Variants in LIN7A observed in about 807,000 individuals in gnomAD.
LIN7A encodes protein lin-7 homolog A.
LIN7A carries 25 observed loss-of-function variants against 29.8 expected under a neutral mutation model. The observed-to-expected ratio is 0.84, with a 90% CI of 0.61 to 1.17. The LOEUF (loss-of-function observed/expected upper bound fraction) is 1.17. Among genes scored for constraint, LIN7A ranks in the 50% most tolerant of loss-of-function variants. The pLI, the probability that LIN7A is intolerant of heterozygous loss-of-function variation, is 0.00. For synonymous variants in LIN7A, 118 were observed against 107.5 expected (o/e 1.10, Z -0.60); for missense variants, 239 against 287.0 (o/e 0.83, Z 1.21).
chr12:80,883,014 A>G (rs1201177663), intron 2 of LIN7A, among the ~76,000 whole-genome samples: 1 of 152,056 alleles, frequency 6.6e-6, no homozygotes, highest in Non-Finnish European at 1.5e-5. Flanking sequence ...TTATATTACA[A>G]TAAGCTATGA....
chr12:80,931,559 A>G (rs972003630), intron 1 of LIN7A, among the ~76,000 whole-genome samples: 1 of 150,974 alleles, frequency 6.6e-6, no homozygotes, highest in Non-Finnish European at 1.5e-5. Context: ...AATCGCTTAA[A>G]CCCAAAAGGC....
intron 2 of LIN7A, 122 bp downstream of exon 2, chr12:80,889,129 A>G (rs1875490212): frequency 1.4e-6 from 1 of 696,704 alleles, no homozygotes; most frequent in East Asian, 2.6e-5. Context: ...CCAAGTAGCT[A>G]AAAACAGAAA....
intron 2 of LIN7A, among the ~76,000 whole-genome samples, chr12:80,856,418 G>A (rs1873601704): frequency 1.3e-5 from 2 of 152,276 alleles, no homozygotes; most frequent in East Asian, 3.9e-4. Context: ...GTGGCAAATT[G>A]GTTTTACCAG....
intron 2 of LIN7A, among the ~76,000 whole-genome samples, chr12:80,852,979 T>G (rs558032525): frequency 6.6e-6 from 1 of 152,192 alleles, no homozygotes; most frequent in African/African-American, 2.4e-5. Context: ...TATTATCAGC[T>G]GTAGTGGCAA....
At chr12:80,872,657 G>T (rs1874481839) in intron 2 of LIN7A, among the ~76,000 whole-genome samples, 1 of 151,974 alleles carries the variant, frequency 6.6e-6, no homozygotes, top group Admixed American at 6.6e-5. Context: ...AAAATTCTTT[G>T]TCACATTTGG....
intron 2 of LIN7A, 103 bp downstream of exon 2, chr12:80,889,148 G>A: frequency 1.4e-6 from 1 of 734,184 alleles, no homozygotes. Flanking sequence ...AAATTAAAAT[G>A]TAGTTCCAAT....
At chr12:80,908,571 C>T (rs1401190196) in intron 1 of LIN7A, among the ~76,000 whole-genome samples, 1 of 152,008 alleles carries the variant, frequency 6.6e-6, no homozygotes, top group East Asian at 1.9e-4. Context: ...AGAGAGCTTA[C>T]TGATGCAAGA....
At chr12:80,805,292 C>A (rs114115924) in intron 5 of LIN7A, among the ~76,000 whole-genome samples, 1 of 151,888 alleles carries the variant, frequency 6.6e-6, no homozygotes, top group South Asian at 2.1e-4. Flanking sequence ...AGTGACTAGG[C>A]GGATAGTTTT....
chr12:80,865,141 C>A (rs1241452033), intron 2 of LIN7A, among the ~76,000 whole-genome samples: 1 of 152,090 alleles, frequency 6.6e-6, no homozygotes, highest in Non-Finnish European at 1.5e-5. Context: ...ATGGTGTCTT[C>A]TTTATGTTCT....
At position 80,795,439 on chromosome 12, in the gene LIN7A, C is replaced by T. The variant is rs1870402114; in HGVS notation, c.*2288G>A. ...GCCTTTATCAGCACTTAACATTAAC[C>T]AAATGAAGCATAAATACAAAGGTTT... On this transcript the variant is annotated 3_prime_UTR_variant, in exon 6 of 6. Transcript: ENST00000552864. The T allele has an allele frequency of 6.6e-6, 1 of 151,922 alleles. No homozygotes were observed. The highest frequency in any genetic ancestry group is 2.4e-5 in the African/African-American group (1 of 41,374). 9.4% of individuals were successfully genotyped at this position (151,922 alleles called of 1,614,324 possible).
At chr12:80,882,113 AT>A (rs1211704741) in intron 2 of LIN7A, among the ~76,000 whole-genome samples, 2 of 151,882 alleles carry the variant, frequency 1.3e-5, no homozygotes, top group Non-Finnish European at 2.9e-5. Context: ...AAAATATTGC[AT>A]TTTTTGAATG....
At chr12:80,852,046 G>A (rs1873360623) in intron 2 of LIN7A, among the ~76,000 whole-genome samples, 1 of 151,978 alleles carries the variant, frequency 6.6e-6, no homozygotes, top group Non-Finnish European at 1.5e-5. Context: ...CAATGTATTA[G>A]GCATCTGGGC....
intron 5 of LIN7A, among the ~76,000 whole-genome samples, chr12:80,808,793 C>T (rs924009533): frequency 6.6e-6 from 1 of 152,040 alleles, no homozygotes; most frequent in Admixed American, 6.5e-5. Context: ...GCGTGAGCCA[C>T]CACGCTTGGC....
chr12:80,837,098 G>A (rs1415809944), intron 4 of LIN7A, among the ~76,000 whole-genome samples: 1 of 152,130 alleles, frequency 6.6e-6, no homozygotes, highest in African/African-American at 2.4e-5. Flanking sequence ...TAGGAGTAGA[G>A]TGGAAAATAT....
intron 2 of LIN7A, among the ~76,000 whole-genome samples, chr12:80,852,170 CTTTATA>C (rs1873366991): frequency 6.6e-6 from 1 of 151,880 alleles, no homozygotes; most frequent in Non-Finnish European, 1.5e-5. Context: ...TTTTATTTTT[CTTTATA>C]TTTAAATGAA....
intron 2 of LIN7A, among the ~76,000 whole-genome samples, chr12:80,853,232 G>T (rs7969498): frequency 0.24 from 35,911 of 151,712 alleles, 5,225 homozygotes; most frequent in Non-Finnish European, 0.32. Flanking sequence ...CTTTTCTTCT[G>T]TTCCTTCCAA....
At chr12:80,937,340 A>C (rs1208574024) in intron 1 of LIN7A, 1 of 326,300 alleles carries the variant, frequency 3.1e-6, no homozygotes, top group Non-Finnish European at 5.6e-6. Flanking sequence ...CAGCGGCTCC[A>C]ACAAAGCCAG....
At chr12:80,807,359 C>T (rs1183824742) in intron 5 of LIN7A, among the ~76,000 whole-genome samples, 3 of 152,082 alleles carry the variant, frequency 2.0e-5, no homozygotes, top group Non-Finnish European at 2.9e-5. Flanking sequence ...CATGAGCCAC[C>T]GCACCTGGCC....
At chr12:80,865,546 CAT>C (rs1874094038) in intron 2 of LIN7A, among the ~76,000 whole-genome samples, 1 of 152,096 alleles carries the variant, frequency 6.6e-6, no homozygotes, top group South Asian at 2.1e-4. Flanking sequence ...TAGCAGCTGT[CAT>C]ATTAGACAAC....
Sources: allele counts gnomAD v4.1 joint callset (sites outside exome capture counted in the v4.1 genomes callset), GRCh38; gene constraint gnomAD v4.1.1; transcripts MANE v1.5; gene names NCBI Gene and HGNC (gene_info 2026-07-23, HGNC 2026-07-21).